Variants in BAZ1B observed in about 807,000 individuals in gnomAD.
BAZ1B encodes the protein bromodomain adjacent to zinc finger domain 1B.
A neutral mutation model predicts 153.8 loss-of-function variants in BAZ1B; 22 were observed. The observed-to-expected ratio is 0.14, with a 90% CI of 0.10 to 0.20. BAZ1B has a LOEUF of 0.20. Among genes scored for constraint, BAZ1B ranks in the 10% least tolerant of loss-of-function variants. The probability of loss-of-function intolerance (pLI) is 1.00; values close to 1 mark genes in which losing one functional copy is unlikely to be tolerated. For synonymous variants in BAZ1B, 676 were observed against 633.4 expected (o/e 1.07, Z -1.01); for missense variants, 1,325 against 1,799.3 (o/e 0.74, Z 4.77).
intron 5 of BAZ1B, among the ~76,000 whole-genome samples, chr7:73,491,241 G>A (rs536674523): frequency 3.9e-5 from 6 of 152,114 alleles, no homozygotes; most frequent in South Asian, 2.1e-4. Context: ...AGCCAAGACC[G>A]TGCCATTGTA....
intron 3 of BAZ1B, among the ~76,000 whole-genome samples, chr7:73,506,438 G>A (rs1554577760): frequency 2.6e-5 from 4 of 151,356 alleles, no homozygotes; most frequent in Non-Finnish European, 5.9e-5. Context: ...GGCGAATCTT[G>A]CAGTGAGCTG....
intron 1 of BAZ1B, among the ~76,000 whole-genome samples, chr7:73,516,788 A>C (rs1375320807): frequency 2.6e-4 from 39 of 150,716 alleles, no homozygotes; most frequent in Non-Finnish European, 4.7e-4. Context: ...AAAAAAAAAA[A>C]AAAAAAAAAA....
At chr7:73,482,790 C>A (rs12535543) in intron 6 of BAZ1B, among the ~76,000 whole-genome samples, 205 of 152,242 alleles carry the variant, frequency 1.3e-3, no homozygotes, top group Middle Eastern at 3.4e-3. Context: ...CCAAGCCACA[C>A]CATGTTTTTG....
At chr7:73,504,870 C>T (rs1479484400) in intron 3 of BAZ1B, among the ~76,000 whole-genome samples, 1 of 151,992 alleles carries the variant, frequency 6.6e-6, no homozygotes, top group African/African-American at 2.4e-5. Context: ...CTAGTACTGC[C>T]AGACATGACA....
At chr7:73,489,472 C>T (rs1789548201) in intron 5 of BAZ1B, 81 bp from the exon 6 acceptor site, 1 of 1,421,642 alleles carries the variant, frequency 7.0e-7, no homozygotes, top group East Asian at 2.3e-5. Context: ...TACGTTCTCT[C>T]CAGAAAAATC....
intron 15 of BAZ1B, among the ~76,000 whole-genome samples, 162 bp from the exon 16 acceptor site, chr7:73,447,541 T>G (rs1554566946): frequency 6.6e-6 from 1 of 152,172 alleles, no homozygotes; most frequent in African/African-American, 2.4e-5. Context: ...AGGAGAGTTT[T>G]TCATAAAAAT....
At chr7:73,445,572 G>A (rs559772188) in intron 16 of BAZ1B, among the ~76,000 whole-genome samples, 1 of 152,126 alleles carries the variant, frequency 6.6e-6, no homozygotes, top group South Asian at 2.1e-4. Flanking sequence ...ACCATATTCA[G>A]GATCTGCCCT....
intron 12 of BAZ1B, 58 bp downstream of exon 12, chr7:73,462,864 A>T: frequency 6.4e-7 from 1 of 1,572,172 alleles, no homozygotes; most frequent in Non-Finnish European, 8.7e-7. Context: ...AGCACCAGGG[A>T]AGAACTTCAG....
At chr7:73,491,602 AAAAAG>A (rs544234712) in intron 5 of BAZ1B, among the ~76,000 whole-genome samples, 1,871 of 152,206 alleles carry the variant, frequency 0.012, 39 homozygotes, top group African/African-American at 0.043. Flanking sequence ...TCCATCTCAA[AAAAAG>A]AAAAGAAAAG....
intron 10 of BAZ1B, 31 bp from the exon 11 acceptor site, chr7:73,465,568 G>GA (rs60386137): frequency 0.17 from 152,887 of 923,632 alleles, 11 homozygotes; most frequent in South Asian, 0.18. Flanking sequence ...TGATAACTCT[G>GA]AAAAAAAAAA....
At chr7:73,448,733 T>C (rs185625429) in intron 15 of BAZ1B, among the ~76,000 whole-genome samples, 2 of 152,218 alleles carry the variant, frequency 1.3e-5, no homozygotes, top group East Asian at 3.9e-4. Flanking sequence ...CAACAAACGG[T>C]CTGTAACAAG....
Position 73,478,381 on chromosome 7 carries a change from T to C in BAZ1B, c.1080A>G (p.Lys360=), listed in dbSNP as rs1182511126. ...TTTCTTCTAGATGTTCTTCAGGAGA[T>C]TTGGAATTCTTTGAGTTCTTCACTT... The part of the protein sequence containing the change: ...PLKVKNSKNS[K]SPEEHLEEMM... The change falls in exon 7 of 20, where the codon AAA becomes AAG. Residue 360 remains lysine (K), a synonymous_variant. Transcript: ENST00000339594. The C allele has an allele frequency of 9.3e-6, 15 of 1,612,300 alleles. No individual in the cohort carries two copies. The highest frequency in any genetic ancestry group is 6.7e-5 in the African/African-American group (5 of 74,710).
intron 3 of BAZ1B, among the ~76,000 whole-genome samples, chr7:73,503,000 T>C: frequency 6.6e-6 from 1 of 152,232 alleles, no homozygotes; most frequent in East Asian, 1.9e-4. Flanking sequence ...ACAATTTGTT[T>C]ATCCATTCAA....
At chr7:73,462,510 G>A (rs1311263785) in intron 12 of BAZ1B, 1 of 240,348 alleles carries the variant, frequency 4.2e-6, no homozygotes, top group East Asian at 1.3e-4. Flanking sequence ...TGGACAACAT[G>A]AGTGATGCCC....
At chr7:73,451,062 A>G in intron 13 of BAZ1B, 68 bp from the exon 14 acceptor site, 1 of 1,568,830 alleles carries the variant, frequency 6.4e-7, no homozygotes, top group Non-Finnish European at 8.7e-7. Context: ...AACTAGGAAC[A>G]GGGGACAGTA....
intron 3 of BAZ1B, among the ~76,000 whole-genome samples, chr7:73,505,526 C>A (rs1444057646): frequency 2.0e-5 from 3 of 151,936 alleles, no homozygotes; most frequent in African/African-American, 4.8e-5. Context: ...ACTGTTAGAA[C>A]TGAAAAATGT....
At chr7:73,482,768 T>C (rs1385967702) in intron 6 of BAZ1B, among the ~76,000 whole-genome samples, 1 of 152,148 alleles carries the variant, frequency 6.6e-6, no homozygotes, top group Non-Finnish European at 1.5e-5. Context: ...ATTCGTAAGG[T>C]GTGTTTTTGT....
In BAZ1B at chr7:73,465,480, C is replaced by T; in HGVS notation, c.3030G>A (p.Gln1010=). Residue 1010 remains glutamine (Q), a synonymous_variant, in exon 11 of 20, where the codon CAG becomes CAA. Coordinates refer to ENST00000339594, the MANE Select transcript of BAZ1B (RefSeq NM_032408.4). ...CTTTAAGTTGACTTTCTCTTATTCCCTGAGGGTGAAGACAGTTTAGCAACT... is the reference window on the plus strand; with the variant it reads ...CTTTAAGTTGACTTTCTCTTATTCCTTGAGGGTGAAGACAGTTTAGCAACT... ...LDELLNCLHP[Q]GIRESQLKER... is the part of the protein sequence containing the mutation. 1 of 1,610,714 alleles carries T rather than the reference C, an allele frequency of 6.2e-7. No individual in the cohort carries two copies. Among genetic ancestry groups the T allele is most frequent in the Non-Finnish European group, 8.5e-7 (1 of 1,178,558 alleles).
At position 73,442,801 on chromosome 7, in the gene BAZ1B, T is replaced by G. The variant is rs782109581; in HGVS notation, c.4018A>C (p.Arg1340=). The change falls in exon 18 of 20, where the codon AGG becomes CGG. Residue 1340 remains arginine (R), a synonymous_variant. Coordinates refer to ENST00000339594, the MANE Select transcript of BAZ1B (RefSeq NM_032408.4). The part of the protein sequence containing the change: ...LVLQTKRSSR[R]QSLELQKCEE... Reference sequence around the variant, plus strand: ...CACTTCTGCAGCTCCAGGCTTTGCCTCCGGGAGCTCCGCTTGGTCTGAAGC... The same window carrying G: ...CACTTCTGCAGCTCCAGGCTTTGCCGCCGGGAGCTCCGCTTGGTCTGAAGC... 1.6e-5 allele frequency: 26 copies of G among 1,613,988 alleles called. No homozygotes were observed. In the South Asian group the frequency reaches 2.5e-4, roughly 16 times the overall value.
Sources: gnomAD v4.1 joint callset for allele counts (sites outside exome capture counted in the v4.1 genomes callset) on GRCh38, gnomAD v4.1.1 for gene constraint, MANE v1.5 for transcripts, NCBI Gene and HGNC (gene_info 2026-07-23, HGNC 2026-07-21) for gene names.